MAP3K15: variants seen among roughly 807,000 people sequenced by gnomAD.
MAP3K15 encodes MAPK/ERK kinase kinase 15.
MAP3K15 carries 124 observed loss-of-function variants against 99.5 expected under a neutral mutation model. The ratio of observed to expected loss-of-function variants is 1.25; its 90% CI spans 1.08 to 1.45. MAP3K15 has a LOEUF of 1.45. Among genes scored for constraint, MAP3K15 ranks in the 40% most tolerant of loss-of-function variants. The pLI is 0.00. For missense variants in MAP3K15, 1,242 were observed against 1,079.7 expected (o/e 1.15, Z -2.11); for synonymous variants, 494 against 439.6 (o/e 1.12, Z -1.55).
intron 19 of MAP3K15, among the ~76,000 whole-genome samples, chrX:19,379,294 C>CTT (rs995651452): frequency 9.9e-6 from 1 of 101,354 alleles, no homozygotes; most frequent in African/African-American, 3.6e-5. Context: ...TTTCCTTTTT[C>CTT]TTTTTTTTTT....
At chrX:19,469,130 C>T (rs955282652) in intron 3 of MAP3K15, among the ~76,000 whole-genome samples, 14 of 111,272 alleles carry the variant, frequency 1.3e-4, no homozygotes, top group Admixed American at 2.9e-4. Context: ...GGAGGCATCA[C>T]GCTACCTGAC....
At chrX:19,415,495 C>T (rs2063727003) in intron 9 of MAP3K15, among the ~76,000 whole-genome samples, 1 of 111,710 alleles carries the variant, frequency 9.0e-6, no homozygotes, top group African/African-American at 3.3e-5. Flanking sequence ...TTGTGCTAAC[C>T]CCAATTTTAG....
At chrX:19,465,584 TAAAAAAAAA>T (rs1355164035) in intron 3 of MAP3K15, among the ~76,000 whole-genome samples, 1 of 82,814 alleles carries the variant, frequency 1.2e-5, no homozygotes, top group Non-Finnish European at 2.3e-5. Context: ...CATCTCTACT[TAAAAAAAAA>T]AAAAAAAAAA....
chrX:19,443,735 G>A, intron 6 of MAP3K15, among the ~76,000 whole-genome samples: 1 of 111,400 alleles, frequency 9.0e-6, no homozygotes, highest in Non-Finnish European at 1.9e-5. Flanking sequence ...AGGCGGATGA[G>A]GGCAGCTAGA....
At chrX:19,490,196 A>C (rs2064359621) in intron 1 of MAP3K15, among the ~76,000 whole-genome samples, 1 of 100,253 alleles carries the variant, frequency 1.0e-5, no homozygotes, top group African/African-American at 4.0e-5. Context: ...TACATACAAA[A>C]ATTCCTTAAC....
In MAP3K15 at chrX:19,410,946, C is replaced by T. The variant is rs371929842; in HGVS notation, c.1699-973G>A. ...CTGTAATCCCAGCGCTCTGGGAGGCCGAGGTGTGGGGGCGATCACTTGAGG... is the reference window on the plus strand; with the variant it reads ...CTGTAATCCCAGCGCTCTGGGAGGCTGAGGTGTGGGGGCGATCACTTGAGG... On this transcript the variant is annotated intron_variant, in intron 11 of 28. Coordinates refer to ENST00000338883, the MANE Select transcript of MAP3K15 (RefSeq NM_001001671.4). Among the ~76,000 whole-genome samples the T allele has an allele frequency of 4.5e-5, 5 of 111,179 alleles. No individual in the cohort carries two copies. The South Asian group carries it at 1.1e-3, about 25-fold the overall frequency.
At chrX:19,378,099 C>T (rs2063433114) in intron 19 of MAP3K15, among the ~76,000 whole-genome samples, 1 of 112,650 alleles carries the variant, frequency 8.9e-6, no homozygotes, top group Non-Finnish European at 1.9e-5. Flanking sequence ...GTTCCTTCTG[C>T]CCAAGAGGGA....
chrX:19,490,180 C>CACACACATAT lies in MAP3K15; in HGVS notation c.362-1214_362-1213insATATGTGTGT, dbSNP rs1478553894. 2.0e-3 allele frequency among the ~76,000 whole-genome samples: 191 copies of CACACACATAT among 95,110 alleles called. 2 individuals carry two copies. The highest frequency in any genetic ancestry group is 6.3e-3 in the African/African-American group (172 of 27,087). 82.6% of individuals were successfully genotyped at this position (95,110 alleles called of 115,157 possible). On this transcript the variant is annotated intron_variant, in intron 1 of 28. Transcript: ENST00000338883. ...ACACACACACACACACACACACACA[C>CACACACATAT]ACACATACATACAAAAATTCCTTAA...
chrX:19,374,891 TGA>T (rs2063406592), intron 19 of MAP3K15, among the ~76,000 whole-genome samples: 1 of 110,968 alleles, frequency 9.0e-6, no homozygotes, highest in Non-Finnish European at 1.9e-5. Flanking sequence ...AGTGACATGG[TGA>T]GAGTTTCAGG....
chrX:19,447,026 C>T (rs1012520959), intron 6 of MAP3K15, among the ~76,000 whole-genome samples: 1 of 110,988 alleles, frequency 9.0e-6, no homozygotes, highest in Non-Finnish European at 1.9e-5. Context: ...TGCGCTACTC[C>T]TGCCTCAGTC....
At chrX:19,430,500 C>T (rs1335516286) in intron 7 of MAP3K15, among the ~76,000 whole-genome samples, 1 of 112,041 alleles carries the variant, frequency 8.9e-6, no homozygotes, top group Non-Finnish European at 1.9e-5. Context: ...ATAATCATTG[C>T]TGTTCGAAGC....
At chrX:19,398,124 C>T in intron 15 of MAP3K15, 102 bp downstream of exon 15, 2 of 834,843 alleles carry the variant, frequency 2.4e-6, no homozygotes, top group East Asian at 3.7e-5. Context: ...TTTGTGGTAA[C>T]ACAATGCTTT....
intron 1 of MAP3K15, among the ~76,000 whole-genome samples, chrX:19,508,680 C>T (rs890119595): frequency 1.8e-5 from 2 of 110,859 alleles, no homozygotes; most frequent in Non-Finnish European, 3.8e-5. Flanking sequence ...CCCAGGAATT[C>T]GAGTCCATAA....
intron 6 of MAP3K15, among the ~76,000 whole-genome samples, chrX:19,452,919 A>G (rs187453643): frequency 1.3e-4 from 14 of 110,554 alleles, no homozygotes; most frequent in African/African-American, 3.9e-4. Context: ...TCTTCTTCCA[A>G]TGTGGCCCAG....
In MAP3K15 at chrX:19,371,078, AAAT is replaced by A. The variant is rs773637857; in HGVS notation, c.3295-17_3295-15del. The A allele has an allele frequency of 1.9e-6, 2 of 1,071,540 alleles. No individual in the cohort carries two copies. The highest frequency in any genetic ancestry group is 3.5e-5 in the East Asian group (1 of 28,875). 88.3% of individuals were successfully genotyped at this position (1,071,540 alleles called of 1,213,427 possible). A position where few individuals can be genotyped will look rare whatever the true frequency, so the allele number is the denominator to read the frequency against. ...AATTTTATTTACCTAAAAAAAAAAA[AAAT>A]AATAAAATAAACTAAAATCACAAAA... On this transcript the variant is annotated splice_polypyrimidine_tract_variant and intron_variant, in intron 23 of 28. Transcript: ENST00000338883.
In MAP3K15 at chrX:19,481,115, C is replaced by CAAAAAAA. The variant is rs60578003; in HGVS notation, c.525+5360_525+5366dup. Among the ~76,000 whole-genome samples, 410 of 55,243 alleles carry CAAAAAAA rather than the reference C, an allele frequency of 7.4e-3. 38 individuals carry two copies. Among genetic ancestry groups the CAAAAAAA allele is most frequent in the African/African-American group, 0.038 (376 of 9,947 alleles). 48.0% of individuals were successfully genotyped at this position (55,243 alleles called of 115,157 possible). A position where few individuals can be genotyped will look rare whatever the true frequency, so the allele number is the denominator to read the frequency against. ...TGGGTGACAGAGCGAGAACTTGTCT[C>CAAAAAAA]AAAAAAAAAAAAAAAAAAAAGTTTT... On this transcript the variant is annotated intron_variant, in intron 3 of 28. Transcript: ENST00000338883.
intron 18 of MAP3K15, among the ~76,000 whole-genome samples, chrX:19,381,248 G>A (rs186412544): frequency 4.1e-3 from 460 of 112,181 alleles, no homozygotes; most frequent in African/African-American, 0.011. Context: ...AGGACAAAGC[G>A]GGAGGGAGCA....
chrX:19,395,431 C>T (rs1195791958), intron 15 of MAP3K15, among the ~76,000 whole-genome samples: 1 of 112,218 alleles, frequency 8.9e-6, no homozygotes, highest in Admixed American at 9.5e-5. Flanking sequence ...TTTCATTAAG[C>T]ACTTAGTGGA....
At chrX:19,447,883 C>CAAAAAAAAAAAAAAAA (rs753152404) in intron 6 of MAP3K15, among the ~76,000 whole-genome samples, 1 of 25,965 alleles carries the variant, frequency 3.9e-5, no homozygotes, top group African/African-American at 1.2e-4. Context: ...GACTCCGTCT[C>CAAAAAAAAAAAAAAAA]AAAAAAAAAA....
Sources: allele counts gnomAD v4.1 joint callset (sites outside exome capture counted in the v4.1 genomes callset), GRCh38; gene constraint gnomAD v4.1.1; transcripts MANE v1.5; gene names NCBI Gene and HGNC (gene_info 2026-07-23, HGNC 2026-07-21).